PCDH11X: variants seen among roughly 807,000 people sequenced by gnomAD.
The protein encoded by PCDH11X is protocadherin-11 X-linked.
A neutral mutation model predicts 53.3 loss-of-function variants in PCDH11X; 18 were observed. The ratio of observed to expected loss-of-function variants is 0.34; its 90% CI spans 0.23 to 0.50. The LOEUF (loss-of-function observed/expected upper bound fraction) is 0.50, where lower values mean the gene tolerates loss of function less well. Ranked by LOEUF, PCDH11X falls within the 20% of genes least tolerant of loss-of-function variation. The pLI, the probability that PCDH11X is intolerant of heterozygous loss-of-function variation, is 0.98. For synonymous variants in PCDH11X, 279 were observed against 393.3 expected, an observed-to-expected ratio of 0.71 and a Z score of 3.44; for missense variants, 570 against 1,032.4, an observed-to-expected ratio of 0.55 and a Z score of 6.14.
intron 5 of PCDH11X, among the ~76,000 whole-genome samples, chrX:91,861,608 G>T (rs998545889): frequency 6.3e-5 from 7 of 110,967 alleles, no homozygotes; most frequent in Admixed American, 1.9e-4. Flanking sequence ...CCAGGAACTT[G>T]GTCATCTTAG....
intron 9 of PCDH11X, among the ~76,000 whole-genome samples, chrX:92,410,899 A>G (rs2071630855): frequency 1.9e-5 from 2 of 107,943 alleles, no homozygotes; most frequent in Admixed American, 2.0e-4. Context: ...AAAGAAAACA[A>G]TTTGTATCTT....
chrX:92,037,405 C>T (rs1178188060), intron 6 of PCDH11X, among the ~76,000 whole-genome samples: 1 of 111,763 alleles, frequency 8.9e-6, no homozygotes, highest in African/African-American at 3.3e-5. Flanking sequence ...CTTTTTACGG[C>T]TGCATAGTAT....
chrX:91,900,141 G>A (rs1940900173), intron 6 of PCDH11X, among the ~76,000 whole-genome samples: 1 of 110,679 alleles, frequency 9.0e-6, no homozygotes, highest in Admixed American at 9.7e-5. Context: ...CTCCATTGTG[G>A]AGTAGTAGAC....
At chrX:91,801,320 T>G (rs1327102598) in intron 1 of PCDH11X, among the ~76,000 whole-genome samples, 1 of 110,437 alleles carries the variant, frequency 9.1e-6, no homozygotes, top group East Asian at 2.8e-4. Context: ...ATTCATTTTC[T>G]GCCTTTGTTA....
At chrX:91,780,496 G>A (rs1236823775) in intron 1 of PCDH11X, among the ~76,000 whole-genome samples, 2 of 112,322 alleles carry the variant, frequency 1.8e-5, no homozygotes, top group African/African-American at 6.5e-5. Context: ...ACATAAAAGG[G>A]TTCCTCTTTC....
At chrX:92,098,561 G>C (rs1354566250) in intron 6 of PCDH11X, among the ~76,000 whole-genome samples, 2 of 108,989 alleles carry the variant, frequency 1.8e-5, no homozygotes, top group African/African-American at 3.3e-5. Flanking sequence ...GCACAGGCAT[G>C]AGTCTCAAAA....
intron 1 of PCDH11X, among the ~76,000 whole-genome samples, chrX:91,791,525 T>G (rs1448282228): frequency 9.2e-6 from 1 of 108,684 alleles, no homozygotes; most frequent in Admixed American, 9.8e-5. Context: ...CATGATCCTA[T>G]CACCTTCCAC....
chrX:91,793,725 A>G, intron 1 of PCDH11X, among the ~76,000 whole-genome samples: 1 of 111,479 alleles, frequency 9.0e-6, no homozygotes, highest in Non-Finnish European at 1.9e-5. Context: ...AATTATGGCT[A>G]TGGGTTGGCT....
chrX:92,163,221 A>T (rs774099765), intron 6 of PCDH11X, among the ~76,000 whole-genome samples: 137 of 110,228 alleles, frequency 1.2e-3, no homozygotes, highest in African/African-American at 4.3e-3. Flanking sequence ...GTTTCCAGGC[A>T]GTGGGGACGC....
chrX:91,912,536 C>G (rs1189429951), intron 6 of PCDH11X, among the ~76,000 whole-genome samples: 7 of 110,168 alleles, frequency 6.4e-5, no homozygotes, highest in Non-Finnish European at 1.1e-4. Flanking sequence ...TATATGGTTT[C>G]TGATCTTCAT....
intron 6 of PCDH11X, among the ~76,000 whole-genome samples, chrX:92,045,925 C>A (rs1219136436): frequency 9.9e-6 from 1 of 100,738 alleles, no homozygotes; most frequent in Non-Finnish European, 2.0e-5. Flanking sequence ...AGCAACAGAG[C>A]GAGACTCCAT....
At chrX:92,199,784 G>A (rs893421564) in intron 6 of PCDH11X, among the ~76,000 whole-genome samples, 2 of 111,471 alleles carry the variant, frequency 1.8e-5, no homozygotes, top group Admixed American at 9.6e-5. Flanking sequence ...ACTGAAGCAT[G>A]TTATACAGTG....
intron 7 of PCDH11X, among the ~76,000 whole-genome samples, chrX:92,220,533 A>C (rs1188511221): frequency 9.1e-6 from 1 of 110,221 alleles, no homozygotes; most frequent in African/African-American, 3.3e-5. Flanking sequence ...GGCAATCATT[A>C]AAAAGTCAGG....
At chrX:91,880,478 A>G (rs1019122424) in intron 6 of PCDH11X, among the ~76,000 whole-genome samples, 5 of 111,633 alleles carry the variant, frequency 4.5e-5, no homozygotes, top group African/African-American at 1.6e-4. Flanking sequence ...CAAATAGTTT[A>G]CCATAACTTT....
intron 6 of PCDH11X, among the ~76,000 whole-genome samples, chrX:91,930,706 G>A (rs776407383): frequency 9.6e-6 from 1 of 104,141 alleles, no homozygotes; most frequent in African/African-American, 3.5e-5. Context: ...AGCACATTTA[G>A]GACTTAGTTT....
intron 6 of PCDH11X, among the ~76,000 whole-genome samples, chrX:92,132,146 G>C (rs889656200): frequency 4.9e-5 from 5 of 101,537 alleles, no homozygotes; most frequent in African/African-American, 1.8e-4. Context: ...TTAGCTGGGC[G>C]TGGTGGTGGG....
chrX:91,813,803 A>T (rs1379793058), intron 4 of PCDH11X, among the ~76,000 whole-genome samples: 1 of 109,894 alleles, frequency 9.1e-6, no homozygotes, highest in East Asian at 2.8e-4. Flanking sequence ...CTTTGTTTTA[A>T]AAAAACCCTT....
intron 9 of PCDH11X, among the ~76,000 whole-genome samples, chrX:92,406,781 G>A (rs1316889868): frequency 1.9e-5 from 2 of 107,028 alleles, no homozygotes; most frequent in Non-Finnish European, 3.8e-5. Flanking sequence ...AAAAAAATCA[G>A]CAGGACGTGG....
chrX:92,443,891 A>T (rs1195398750), intron 9 of PCDH11X, among the ~76,000 whole-genome samples: 1 of 111,137 alleles, frequency 9.0e-6, no homozygotes, highest in Non-Finnish European at 1.9e-5. Context: ...AGTCTACATG[A>T]CTGTTTTTGT....
Sources: gnomAD v4.1 joint callset for allele counts (sites outside exome capture counted in the v4.1 genomes callset) on GRCh38, gnomAD v4.1.1 for gene constraint, MANE v1.5 for transcripts, NCBI Gene and HGNC (gene_info 2026-07-23, HGNC 2026-07-21) for gene names.